ZNF519: variants seen among roughly 807,000 people sequenced by gnomAD.
The protein encoded by ZNF519 is zinc finger protein 519.
A neutral mutation model predicts 7.4 loss-of-function variants in ZNF519; 7 were observed. The observed-to-expected ratio is 0.94, with a 90% CI of 0.54 to 1.77. The LOEUF is 1.77. ZNF519 is among the 40% of genes most tolerant of loss of function. The pLI, the probability that ZNF519 is intolerant of heterozygous loss-of-function variation, is 0.00. For missense variants in ZNF519, 586 were observed against 623.1 expected, an observed-to-expected ratio of 0.94 and a Z score of 0.63; for synonymous variants, 179 against 203.3, an observed-to-expected ratio of 0.88 and a Z score of 1.02.
intron 2 of ZNF519, among the ~76,000 whole-genome samples, chr18:14,120,587 A>G (rs1341108294): frequency 3.3e-5 from 5 of 152,160 alleles, no homozygotes; most frequent in Non-Finnish European, 7.4e-5. Context: ...AAGGAAAAAA[A>G]AATTTTTTTA....
intron 1 of ZNF519, among the ~76,000 whole-genome samples, chr18:14,128,366 A>C (rs909174504): frequency 2.6e-5 from 4 of 152,134 alleles, no homozygotes; most frequent in African/African-American, 9.7e-5. Context: ...AATTAAACTA[A>C]AATGTGATGT....
rs775170830 is a variant in ZNF519, at chr18:14,104,100, T to C, written c.*817A>G. 2.0e-5 allele frequency: 3 copies of C among 152,154 alleles called. No homozygotes were observed. Among genetic ancestry groups the C allele is most frequent in the Non-Finnish European group, 4.4e-5 (3 of 68,010 alleles). 9.4% of individuals were successfully genotyped at this position (152,154 alleles called of 1,614,324 possible). ...TAATCTATGTTCTACCAGAGAGAAG[T>C]TATTTGCACCACTCTCTGATATTTG... On this transcript the variant is annotated 3_prime_UTR_variant, in exon 3 of 3. Transcript: ENST00000590202.
chr18:14,106,378 TA>T lies in ZNF519; in HGVS notation c.161del (p.Leu54TyrfsTer35). 2.5e-6 allele frequency: 4 copies of T among 1,603,206 alleles called. No homozygotes were observed. The highest frequency in any genetic ancestry group is 3.4e-6 in the Non-Finnish European group (4 of 1,176,494). On this transcript the variant is annotated frameshift_variant, in exon 3 of 3. Transcript: ENST00000590202. LOFTEE classifies it low-confidence loss of function (END_TRUNC). ...ATGAATCTTGTATGCCTTGCTCTGG[TA>T]AAATGCCTTGGTTGTAATAAGAATA... ...AVYSYYNQGI[L>X]PEQGIQDSFK...
intron 2 of ZNF519, chr18:14,091,160 A>G (rs2046112880): frequency 6.6e-6 from 1 of 152,200 alleles, no homozygotes; most frequent in Admixed American, 6.5e-5. Flanking sequence ...TTTGAACTTT[A>G]TATTATTTAA....
At chr18:14,111,235 T>C (rs1291982397) in intron 2 of ZNF519, among the ~76,000 whole-genome samples, 1 of 145,552 alleles carries the variant, frequency 6.9e-6, no homozygotes, top group Non-Finnish European at 1.5e-5. Flanking sequence ...CCAGGCACAG[T>C]GGCTCATGCC....
intron 1 of ZNF519, 142 bp from the exon 2 acceptor site, chr18:14,124,618 C>T (rs2046287659): frequency 9.5e-7 from 1 of 1,048,456 alleles, no homozygotes; most frequent in Admixed American, 2.9e-5. Flanking sequence ...CTAAAGCATT[C>T]TATAACTCTG....
chr18:14,094,265 A>T (rs1363716181), intron 2 of ZNF519, among the ~76,000 whole-genome samples: 1 of 152,186 alleles, frequency 6.6e-6, no homozygotes, highest in Non-Finnish European at 1.5e-5. Context: ...GCCCACACTA[A>T]CCTCTAAAAA....
At chr18:14,124,164 ACT>A (rs2046284364) in intron 2 of ZNF519, 184 bp downstream of exon 2, 5 of 454,434 alleles carry the variant, frequency 1.1e-5, no homozygotes, top group South Asian at 7.2e-5. Context: ...CAAGAGCGAA[ACT>A]CTGTCTCAAT....
rs1411992298 is a variant in ZNF519 at position 14,105,412 on chromosome 18, G to C, written c.1128C>G (p.Phe376Leu). 1.9e-6 allele frequency: 3 copies of C among 1,613,912 alleles called. No homozygotes were observed. Among genetic ancestry groups the C allele is most frequent in the Non-Finnish European group, 2.5e-6 (3 of 1,179,992 alleles). Residue 376 changes from phenylalanine to leucine, a missense_variant, in exon 3 of 3, where the codon TTC (phenylalanine) becomes TTG (leucine). Phe to Leu is a conservative substitution (Grantham distance 22). Transcript: ENST00000590202. Reference protein sequence around the residue: ...HQRIHTGEKPFRCKECGKAFN... With the variant: ...HQRIHTGEKPLRCKECGKAFN... ...AGGCTTTGCCACATTCCTTACATCT[G>C]AAAGGTTTCTCTCCGGTATGGATTC... is the stretch of plus-strand genomic sequence containing the variant.
intron 2 of ZNF519, among the ~76,000 whole-genome samples, chr18:14,123,612 G>A (rs537943871): frequency 2.0e-5 from 3 of 152,194 alleles, no homozygotes; most frequent in Admixed American, 6.5e-5. Context: ...TCAGCTACCC[G>A]GGAGGCTGAG....
intron 1 of ZNF519, among the ~76,000 whole-genome samples, chr18:14,129,768 C>T (rs1567957277): frequency 6.6e-6 from 1 of 152,190 alleles, no homozygotes; most frequent in Non-Finnish European, 1.5e-5. Flanking sequence ...AGTCACATGC[C>T]TCCGGATACC....
intron 2 of ZNF519, among the ~76,000 whole-genome samples, chr18:14,107,738 C>T (rs2046200589): frequency 1.3e-5 from 2 of 152,096 alleles, no homozygotes; most frequent in Non-Finnish European, 2.9e-5. Context: ...TCATTCACTA[C>T]AAGTGAACTA....
At chr18:14,086,711 C>T (rs1162035767) in intron 2 of ZNF519, among the ~76,000 whole-genome samples, 1 of 152,190 alleles carries the variant, frequency 6.6e-6, no homozygotes, top group Non-Finnish European at 1.5e-5. Context: ...GTAAGCCCCG[C>T]TCTAGTCCTT....
intron 4 of ZNF519, chr18:14,078,107 A>G (rs2046055523): frequency 6.6e-6 from 1 of 152,148 alleles, no homozygotes; most frequent in African/African-American, 2.4e-5. Flanking sequence ...GCAGTTCACA[A>G]TAGGGTTTGC....
chr18:14,105,603 TTC>T lies in ZNF519; in HGVS notation c.935_936del (p.Arg312AsnfsTer11), dbSNP rs2046185902. 6.2e-7 allele frequency: 1 copy of T among 1,613,848 alleles called. No individual in the cohort carries two copies. Among genetic ancestry groups the T allele is most frequent in the African/African-American group, 1.3e-5 (1 of 74,896 alleles). On this transcript the variant is annotated frameshift_variant, in exon 3 of 3. Transcript: ENST00000590202. LOFTEE classifies it low-confidence loss of function (END_TRUNC). ...TTGAAAGGCTTCTCTCCAGTATGGA[TTC>T]TCTGATGTTGAGCAAGGTGTGAACT... ...NKSSHLAQHQ[R>X]IHTGEKPFKC...
chr18:14,128,596 C>A (rs1239228727), intron 1 of ZNF519, among the ~76,000 whole-genome samples: 1 of 151,986 alleles, frequency 6.6e-6, no homozygotes, highest in Non-Finnish European at 1.5e-5. Flanking sequence ...GCCTTCTACT[C>A]TCCTACAGAA....
intron 2 of ZNF519, among the ~76,000 whole-genome samples, chr18:14,110,635 T>C (rs2046215363): frequency 1.3e-5 from 2 of 152,108 alleles, no homozygotes; most frequent in African/African-American, 4.8e-5. Context: ...CACAATTAGA[T>C]ACCAACTTAC....
chr18:14,122,903 A>G (rs921033459), intron 2 of ZNF519, among the ~76,000 whole-genome samples: 1 of 149,836 alleles, frequency 6.7e-6, no homozygotes, highest in South Asian at 2.2e-4. Flanking sequence ...TACATTAGGT[A>G]TATCTCCTAA....
At position 14,103,537 on chromosome 18, in the gene ZNF519, C is replaced by A. The variant is rs958731832; in HGVS notation, c.*1380G>T. ...GAAACATGAGATGCAGCAAACTGTT[C>A]AGAGAAATTCATAGCAGTAAACACC... On this transcript the variant is annotated 3_prime_UTR_variant, in exon 3 of 3. Coordinates refer to ENST00000590202, the MANE Select transcript of ZNF519 (RefSeq NM_145287.4). 1 of 151,954 alleles carries A rather than the reference C, an allele frequency of 6.6e-6. No homozygotes were observed. The highest frequency in any genetic ancestry group is 6.6e-5 in the Admixed American group (1 of 15,254). 9.4% of individuals were successfully genotyped at this position (151,954 alleles called of 1,614,324 possible). A position where few individuals can be genotyped will look rare whatever the true frequency, so the allele number is the denominator to read the frequency against.
Sources: allele counts gnomAD v4.1 joint callset (sites outside exome capture counted in the v4.1 genomes callset), GRCh38; gene constraint gnomAD v4.1.1; transcripts MANE v1.5; gene names NCBI Gene and HGNC (gene_info 2026-07-23, HGNC 2026-07-21).